SCN8A: variants seen among roughly 807,000 people sequenced by gnomAD.
SCN8A encodes the protein sodium voltage-gated channel alpha subunit 8.
A neutral mutation model predicts 184.1 loss-of-function variants in SCN8A; 30 were observed. The ratio of observed to expected loss-of-function variants is 0.16; its 90% CI spans 0.12 to 0.22. The LOEUF (loss-of-function observed/expected upper bound fraction) is 0.22, where lower values mean the gene tolerates loss of function less well. SCN8A is among the 10% of genes least tolerant of loss of function. The probability of loss-of-function intolerance (pLI) is 1.00; values close to 1 mark genes in which losing one functional copy is unlikely to be tolerated. For synonymous variants in SCN8A, 852 were observed against 907.0 expected (o/e 0.94, Z 1.09); for missense variants, 1,057 against 2,498.9 (o/e 0.42, Z 12.30).
chr12:51,706,465 C>G lies in SCN8A; in HGVS notation c.1385C>G (p.Ala462Gly). 6.2e-7 allele frequency: 1 copy of G among 1,603,958 alleles called. No individual in the cohort carries two copies. Among genetic ancestry groups the G allele is most frequent in the Non-Finnish European group, 8.5e-7 (1 of 1,175,566 alleles). ...TCAGCAGGAACTGTCTCAGAAGATG[C>G]CATAGAGGAAGAAGGTGAAGAAGGA... ...ATSAGTVSEDAIEEEGEEGGG... is the reference protein window; with the variant it reads ...ATSAGTVSEDGIEEEGEEGGG... The change falls in exon 11 of 27, where the codon GCC becomes GGC. Residue 462 changes from alanine to glycine, a missense_variant. Coordinates refer to ENST00000627620, the MANE Select transcript of SCN8A (RefSeq NM_001330260.2).
At chr12:51,675,586 T>TC (rs1275531893) in intron 2 of SCN8A, among the ~76,000 whole-genome samples, 1 of 152,154 alleles carries the variant, frequency 6.6e-6, no homozygotes, top group East Asian at 1.9e-4. Context: ...AGCCGGGAGA[T>TC]CTAGTCCCTG....
rs907618702 is a variant in SCN8A at position 51,808,940 on chromosome 12, T to C, written c.*1511T>C. 2.0e-5 allele frequency: 3 copies of C among 152,206 alleles called. No individual in the cohort carries two copies. Among genetic ancestry groups the C allele is most frequent in the Admixed American group, 6.5e-5 (1 of 15,284 alleles). 9.4% of individuals were successfully genotyped at this position (152,206 alleles called of 1,614,324 possible). On this transcript the variant is annotated 3_prime_UTR_variant, in exon 27 of 27. Coordinates refer to ENST00000627620, the MANE Select transcript of SCN8A (RefSeq NM_001330260.2). ...TTTCTTTCACTTATTATTAGAATAATAGTCACTGGTGAGACCTGAGGTAGA... is the reference window on the plus strand; with the variant it reads ...TTTCTTTCACTTATTATTAGAATAACAGTCACTGGTGAGACCTGAGGTAGA...
intron 2 of SCN8A, among the ~76,000 whole-genome samples, chr12:51,667,924 C>T (rs971506230): frequency 5.3e-5 from 8 of 152,138 alleles, no homozygotes; most frequent in Non-Finnish European, 8.8e-5. Context: ...TGGTTCACGC[C>T]TGTAATCCCA....
intron 1 of SCN8A, among the ~76,000 whole-genome samples, chr12:51,601,012 A>C (rs1031493409): frequency 6.6e-6 from 1 of 152,174 alleles, no homozygotes; most frequent in African/African-American, 2.4e-5. Flanking sequence ...TACCCAAATT[A>C]CCCTTACAGT....
intron 21 of SCN8A, among the ~76,000 whole-genome samples, chr12:51,783,707 T>G (rs2138898461): frequency 6.6e-6 from 1 of 152,360 alleles, no homozygotes; most frequent in Non-Finnish European, 1.5e-5. Context: ...TTGTTGATTG[T>G]CAGTACATAG....
intron 1 of SCN8A, among the ~76,000 whole-genome samples, chr12:51,614,605 G>C (rs1254921209): frequency 2.6e-5 from 4 of 152,038 alleles, no homozygotes; most frequent in African/African-American, 9.7e-5. Context: ...ATTTACATTG[G>C]TATAATACTT....
At chr12:51,761,945 AC>A (rs1455105695) in intron 14 of SCN8A, among the ~76,000 whole-genome samples, 1 of 152,014 alleles carries the variant, frequency 6.6e-6, no homozygotes, top group Non-Finnish European at 1.5e-5. Flanking sequence ...GAAAAAAAAA[AC>A]AGAAAGAAAA....
intron 2 of SCN8A, among the ~76,000 whole-genome samples, chr12:51,668,846 A>C (rs1210605615): frequency 1.3e-5 from 2 of 152,200 alleles, no homozygotes; most frequent in Non-Finnish European, 2.9e-5. Context: ...CTATGGTAGG[A>C]TAGTATACAA....
chr12:51,704,985 TAAATA>T (rs1480081316), intron 9 of SCN8A, among the ~76,000 whole-genome samples: 1 of 151,788 alleles, frequency 6.6e-6, no homozygotes, highest in African/African-American at 2.4e-5. Flanking sequence ...AAAAAAAAAA[TAAATA>T]AAATAAAAAG....
At chr12:51,725,870 A>AT (rs1942147635) in intron 12 of SCN8A, among the ~76,000 whole-genome samples, 1 of 152,212 alleles carries the variant, frequency 6.6e-6, no homozygotes, top group South Asian at 2.1e-4. Flanking sequence ...ACTAGCAAAC[A>AT]TTTTGGATGC....
At chr12:51,688,699 C>T in intron 5 of SCN8A, 2 of 1,211,780 alleles carry the variant, frequency 1.7e-6, no homozygotes, top group South Asian at 1.2e-5. Context: ...TTCTTCCCCC[C>T]ATTCTCAAAC....
In SCN8A at chr12:51,706,585, A is replaced by T. The variant is rs765415721; in HGVS notation, c.1505A>T (p.Glu502Val). 2.5e-6 allele frequency: 4 copies of T among 1,608,834 alleles called. No individual in the cohort carries two copies. Among genetic ancestry groups the T allele is most frequent in the Non-Finnish European group, 3.4e-6 (4 of 1,177,394 alleles). The change falls in exon 11 of 27, where the codon GAA (glutamate) becomes GTA (valine). Residue 502 changes from glutamate to valine, a missense_variant. Glu to Val is a moderately radical substitution (Grantham distance 121, BLOSUM62 -2). This residue lies in a region of SCN8A where 322 missense variants were observed against 390.1 expected (regional missense o/e 0.83). Coordinates refer to ENST00000627620, the MANE Select transcript of SCN8A (RefSeq NM_001330260.2). ...AGGAGAAAGAAGAGGAAGCAAAAGG[A>T]ACTCTCTGAAGGAGAGGAGAAAGGG... ...RNRRKKRKQK[E>V]LSEGEEKGDP...
At chr12:51,652,156 T>A (rs144510345) in intron 1 of SCN8A, among the ~76,000 whole-genome samples, 2 of 152,196 alleles carry the variant, frequency 1.3e-5, no homozygotes, top group African/African-American at 4.8e-5. Context: ...ATCTGAACAC[T>A]CTGCATCACA....
At chr12:51,652,627 CTT>C (rs1797849346) in intron 1 of SCN8A, among the ~76,000 whole-genome samples, 1 of 152,154 alleles carries the variant, frequency 6.6e-6, no homozygotes, top group African/African-American at 2.4e-5. Flanking sequence ...CTTGATCTCT[CTT>C]GTCTGTAGTC....
rs1401845261 is a variant in SCN8A at position 51,620,911 on chromosome 12, C to T, written c.-55+29552C>T. On this transcript the variant is annotated intron_variant, in intron 1 of 26. Transcript: ENST00000627620. ...CTGAGGCGGGAGGATGGATTGAGCC[C>T]AGGAGGTTGAGGCTGTAGTGAGCCA... 2.0e-5 allele frequency among the ~76,000 whole-genome samples: 3 copies of T among 151,940 alleles called. No individual in the cohort carries two copies. In the East Asian group the frequency reaches 5.8e-4, roughly 29 times the overall value.
chr12:51,606,199 T>G (rs954378289), intron 1 of SCN8A, among the ~76,000 whole-genome samples: 6 of 152,344 alleles, frequency 3.9e-5, no homozygotes, highest in African/African-American at 1.4e-4. Flanking sequence ...CATTGTTATC[T>G]TCTAGAATTT....
intron 1 of SCN8A, among the ~76,000 whole-genome samples, chr12:51,592,888 C>T (rs1006963985): frequency 2.0e-5 from 3 of 151,968 alleles, no homozygotes; most frequent in Admixed American, 6.6e-5. Flanking sequence ...AATCCCTCTG[C>T]ACTTCTCTTT....
chr12:51,794,733 C>T (rs1057372360), intron 26 of SCN8A, 92 bp downstream of exon 26: 1 of 1,294,620 alleles, frequency 7.7e-7, no homozygotes, highest in African/African-American at 1.5e-5. Flanking sequence ...TGACACAGGT[C>T]TGAAGTGCAG....
In SCN8A at chr12:51,674,348, T is replaced by A. The variant is rs578012219; in HGVS notation, c.277-9826T>A. On this transcript the variant is annotated intron_variant, in intron 2 of 26. Coordinates refer to ENST00000627620, the MANE Select transcript of SCN8A (RefSeq NM_001330260.2). Reference sequence around the variant, plus strand: ...CCTTCTTGTCATCTTCTTTTTTTTTTGAGAGAGAGAGTCTTGTTCTGTCAC... The same window carrying A: ...CCTTCTTGTCATCTTCTTTTTTTTTAGAGAGAGAGAGTCTTGTTCTGTCAC... 3.3e-3 allele frequency among the ~76,000 whole-genome samples: 507 copies of A among 152,062 alleles called. 3 individuals carry two copies. Among genetic ancestry groups the A allele is most frequent in the Non-Finnish European group, 4.3e-3 (291 of 67,958 alleles).
Sources: gnomAD v4.1 joint callset for allele counts (sites outside exome capture counted in the v4.1 genomes callset) on GRCh38, gnomAD v4.1.1 for gene constraint, gnomAD v4.1.1 regional missense constraint, MANE v1.5 for transcripts, NCBI Gene and HGNC (gene_info 2026-07-23, HGNC 2026-07-21) for gene names.